The following SORBS2 variants were observed in gnomAD, a reference collection of about 807,000 sequenced individuals.
The protein encoded by SORBS2 is sorbin and SH3 domain containing 2.
Under a neutral mutation model 97.7 loss-of-function variants are expected in SORBS2, and 46 were observed. That is an observed-to-expected ratio of 0.47 (90% confidence interval 0.37 to 0.60). SORBS2 has a LOEUF of 0.60. SORBS2 is among the 20% of genes least tolerant of loss of function. The pLI, the probability that SORBS2 is intolerant of heterozygous loss-of-function variation, is 0.00. For missense variants in SORBS2, 1,316 were observed against 1,282.3 expected (o/e 1.03, Z -0.40); for synonymous variants, 476 against 473.4 (o/e 1.01, Z -0.07).
At chr4:185,836,528 C>G (rs983941389) in intron 1 of SORBS2, among the ~76,000 whole-genome samples, 5 of 152,184 alleles carry the variant, frequency 3.3e-5, no homozygotes, top group Non-Finnish European at 5.9e-5. Flanking sequence ...GTACACACCA[C>G]CAAGTGCTTT....
chr4:185,637,820 ACCT>A (rs2097047643), intron 4 of SORBS2, among the ~76,000 whole-genome samples: 1 of 152,094 alleles, frequency 6.6e-6, no homozygotes, highest in Admixed American at 6.5e-5. Flanking sequence ...CACAGAAACT[ACCT>A]CAAGATTTTG....
chr4:185,949,801 T>C (rs558692617), intron 1 of SORBS2, among the ~76,000 whole-genome samples: 1 of 152,270 alleles, frequency 6.6e-6, no homozygotes, highest in South Asian at 2.1e-4. Flanking sequence ...TTGGGAACTA[T>C]AACTGACAAC....
chr4:185,739,165 C>T (rs2098707058), intron 2 of SORBS2, among the ~76,000 whole-genome samples: 1 of 152,192 alleles, frequency 6.6e-6, no homozygotes, highest in Non-Finnish European at 1.5e-5. Context: ...TGAAAAATAG[C>T]AATTTGTATG....
chr4:185,910,908 G>A (rs566408379), intron 1 of SORBS2, among the ~76,000 whole-genome samples: 9 of 151,778 alleles, frequency 5.9e-5, no homozygotes, highest in East Asian at 3.9e-4. Context: ...TCTCAGGTGC[G>A]TGGTTTCAGA....
At chr4:185,838,264 C>T (rs1016001009) in intron 1 of SORBS2, among the ~76,000 whole-genome samples, 1 of 152,262 alleles carries the variant, frequency 6.6e-6, no homozygotes, top group African/African-American at 2.4e-5. Context: ...ATAACTTGCT[C>T]TGTTCCCATG....
intron 1 of SORBS2, among the ~76,000 whole-genome samples, chr4:185,850,843 C>A (rs1042780468): frequency 9.2e-5 from 14 of 152,098 alleles, no homozygotes; most frequent in Admixed American, 7.9e-4. Context: ...TAAAAAAGAT[C>A]CACCTTACCC....
At chr4:185,766,939 A>G (rs2098937256) in intron 2 of SORBS2, among the ~76,000 whole-genome samples, 1 of 152,124 alleles carries the variant, frequency 6.6e-6, no homozygotes, top group Non-Finnish European at 1.5e-5. Context: ...TTTCTATTCT[A>G]TCCTTTCTAA....
At chr4:185,732,553 C>T (rs1051864703) in intron 2 of SORBS2, among the ~76,000 whole-genome samples, 3 of 152,196 alleles carry the variant, frequency 2.0e-5, no homozygotes, top group African/African-American at 7.2e-5. Flanking sequence ...GCCCCACAGA[C>T]ATTAGGCCCC....
At chr4:185,748,514 A>C (rs1265944910) in intron 2 of SORBS2, among the ~76,000 whole-genome samples, 1 of 152,210 alleles carries the variant, frequency 6.6e-6, no homozygotes, top group Non-Finnish European at 1.5e-5. Context: ...CCCACCACAC[A>C]GAAGCAAAAG....
At chr4:185,833,262 G>A (rs947568585) in intron 1 of SORBS2, among the ~76,000 whole-genome samples, 3 of 152,226 alleles carry the variant, frequency 2.0e-5, no homozygotes, top group Non-Finnish European at 2.9e-5. Flanking sequence ...GGGCTGATAA[G>A]TAACTGATCA....
exon 15 of SORBS2, chr4:185,587,351 C>A: frequency 1.3e-4 from 33 of 250,250 alleles, no homozygotes; most frequent in Middle Eastern, 1.2e-3. Flanking sequence ...TTTTAAATAT[C>A]ATGATTTTTT....
intron 1 of SORBS2, among the ~76,000 whole-genome samples, chr4:185,941,959 T>C (rs1199255317): frequency 3.3e-5 from 5 of 151,934 alleles, no homozygotes; most frequent in Non-Finnish European, 5.9e-5. Flanking sequence ...CTACTAAAAA[T>C]ACAAAAATTT....
At chr4:185,903,544 G>A (rs1161234748) in intron 1 of SORBS2, among the ~76,000 whole-genome samples, 3 of 152,074 alleles carry the variant, frequency 2.0e-5, no homozygotes, top group Non-Finnish European at 4.4e-5. Flanking sequence ...CAAAAAGAGG[G>A]GTCCCTCTGA....
chr4:185,835,950 G>A (rs910892249), intron 1 of SORBS2, among the ~76,000 whole-genome samples: 1 of 151,834 alleles, frequency 6.6e-6, no homozygotes, highest in African/African-American at 2.4e-5. Flanking sequence ...TGCTCTTCTT[G>A]TTCCCAAAAT....
At chr4:185,791,708 T>G (rs2099080836) in intron 1 of SORBS2, among the ~76,000 whole-genome samples, 1 of 151,792 alleles carries the variant, frequency 6.6e-6, no homozygotes, top group African/African-American at 2.4e-5. Context: ...CTTAAAAATG[T>G]GAAAAAAATA....
rs141907336 is a variant in SORBS2, at chr4:185,623,595, T to C, written c.1534A>G (p.Ser512Gly). 5 of 1,613,970 alleles carry C rather than the reference T, an allele frequency of 3.1e-6. No homozygotes were observed. Among genetic ancestry groups the C allele is most frequent in the Non-Finnish European group, 4.2e-6 (5 of 1,180,022 alleles). Residue 512 changes from serine (S) to glycine (G), a missense_variant, in exon 7 of 15, where the codon AGT becomes GGT. Transcript: ENST00000418609. The surrounding 1 kb of genome is among the most constrained non-coding windows in gnomAD (Gnocchi z 6.4). Reference sequence around the variant, plus strand: ...GACCCCTCTAGGTGAATGTAGTCACTGTGGTCGGACACAACCCCGTCCTGG... The same window carrying C: ...GACCCCTCTAGGTGAATGTAGTCACCGTGGTCGGACACAACCCCGTCCTGG...
intron 2 of SORBS2, among the ~76,000 whole-genome samples, chr4:185,758,061 C>T (rs1053855921): frequency 5.9e-5 from 9 of 152,290 alleles, no homozygotes; most frequent in East Asian, 1.9e-4. Context: ...GGCTGCTGTT[C>T]AGAGCATTGC....
chr4:185,649,656 C>A, exon 3 of SORBS2: 1 of 1,372,972 alleles, frequency 7.3e-7, no homozygotes, highest in Non-Finnish European at 9.5e-7. Flanking sequence ...GTTGTACAGA[C>A]CTATCATGAC....
Position 185,623,969 on chromosome 4 carries a change from T to C in SORBS2, c.1160A>G (p.Glu387Gly). Residue 387 changes from glutamate (E) to glycine (G), a missense_variant, in exon 7 of 15, where the codon GAG (glutamate) becomes GGG (glycine). Coordinates refer to ENST00000418609, the Ensembl canonical transcript of SORBS2. The surrounding 1 kb of genome is among the most constrained non-coding windows in gnomAD (Gnocchi z 6.4). ...GCGCAGCAGGTCCTTGTGCTGCTGC[T>C]CGCTCTCGTACTGCAGAATCCTGGA... 6.2e-7 allele frequency: 1 copy of C among 1,614,172 alleles called. No individual in the cohort carries two copies. The highest frequency in any genetic ancestry group is 8.5e-7 in the Non-Finnish European group (1 of 1,180,020).
Sources: allele counts gnomAD v4.1 joint callset (sites outside exome capture counted in the v4.1 genomes callset), GRCh38; gene constraint gnomAD v4.1.1; non-coding constraint Gnocchi (gnomAD v3.1); transcripts MANE v1.5; gene names NCBI Gene and HGNC (gene_info 2026-07-23, HGNC 2026-07-21).